The following INPP5D variants were observed in gnomAD, a reference collection of about 807,000 sequenced individuals.
INPP5D encodes the protein phosphatidylinositol 3,4,5-trisphosphate 5-phosphatase 1.
A neutral mutation model predicts 122.9 loss-of-function variants in INPP5D; 33 were observed. The observed-to-expected ratio is 0.27, with a 90% confidence interval of 0.20 to 0.36. The LOEUF (loss-of-function observed/expected upper bound fraction) is 0.36, where lower values mean the gene tolerates loss of function less well. Among genes scored for constraint, INPP5D ranks in the 10% least tolerant of loss-of-function variants. The pLI is 1.00. For synonymous variants in INPP5D, 584 were observed against 576.2 expected (o/e 1.01, Z -0.19); for missense variants, 1,053 against 1,412.7 (o/e 0.75, Z 4.08).
At chr2:233,090,962 G>GAA (rs112631725) in intron 2 of INPP5D, among the ~76,000 whole-genome samples, 2 of 86,700 alleles carry the variant, frequency 2.3e-5, no homozygotes, top group Non-Finnish European at 5.2e-5. Context: ...CCGTCTCAAA[G>GAA]AAAAAAAAAA....
rs111604302 is a variant in INPP5D, at chr2:233,113,702, C to T, written c.199-8405C>T. ...CTCTCGCTGGCTCTCGCTTGTCGAC[C>T]GTGCCCTGTTCGATGGGCTAATCTG... is the stretch of plus-strand genomic sequence containing the variant. On this transcript the variant is annotated intron_variant, in intron 2 of 26. Coordinates refer to ENST00000445964, the MANE Select transcript of INPP5D (RefSeq NM_001017915.3). 4.3e-3 allele frequency among the ~76,000 whole-genome samples: 648 copies of T among 152,278 alleles called. 2 individuals carry two copies. The highest frequency in any genetic ancestry group is 7.5e-3 in the Non-Finnish European group (507 of 68,022).
rs2106209637 is a variant in INPP5D, at chr2:233,079,331, T to G, written c.135-4T>G. 3 of 1,586,908 alleles carry G rather than the reference T, an allele frequency of 1.9e-6. No individual in the cohort carries two copies. The highest frequency in any genetic ancestry group is 2.6e-6 in the Non-Finnish European group (3 of 1,155,304). ...GTTCTAATAAAGTCTTTGATCTATT[T>G]CAGGTATCGGAATTGCGTTTACACT... On this transcript the variant is annotated splice_region_variant and splice_polypyrimidine_tract_variant and intron_variant, in intron 1 of 26. Coordinates refer to ENST00000445964, the MANE Select transcript of INPP5D (RefSeq NM_001017915.3).
intron 2 of INPP5D, among the ~76,000 whole-genome samples, chr2:233,098,112 C>T (rs1304087904): frequency 2.6e-5 from 4 of 152,068 alleles, no homozygotes; most frequent in African/African-American, 4.8e-5. Context: ...AGGCTGATTT[C>T]GAACTCGTGA....
intron 1 of INPP5D, among the ~76,000 whole-genome samples, chr2:233,061,140 G>T (rs1559266454): frequency 6.6e-6 from 1 of 152,142 alleles, no homozygotes; most frequent in Non-Finnish European, 1.5e-5. Flanking sequence ...GCTTTCAGGG[G>T]CCTGAGAGCA....
intron 9 of INPP5D, among the ~76,000 whole-genome samples, chr2:233,150,438 T>A (rs1360080205): frequency 6.6e-6 from 1 of 152,202 alleles, no homozygotes; most frequent in African/African-American, 2.4e-5. Context: ...ACTCTTTCCT[T>A]TATAAATTAC....
intron 8 of INPP5D, among the ~76,000 whole-genome samples, chr2:233,146,881 T>G (rs1367560945): frequency 6.6e-6 from 1 of 152,080 alleles, no homozygotes; most frequent in Non-Finnish European, 1.5e-5. Context: ...CCCCAGAGAT[T>G]CTAGTATATT....
At chr2:233,126,692 G>A (rs1252389907) in intron 4 of INPP5D, among the ~76,000 whole-genome samples, 1 of 152,102 alleles carries the variant, frequency 6.6e-6, no homozygotes, top group Non-Finnish European at 1.5e-5. Flanking sequence ...GGCCCAGGCG[G>A]GCAGATCACC....
chr2:233,102,952 A>G (rs763460481), intron 2 of INPP5D, among the ~76,000 whole-genome samples: 3 of 152,076 alleles, frequency 2.0e-5, no homozygotes, highest in Non-Finnish European at 4.4e-5. Context: ...TGCACTTTGT[A>G]TAACACTCCC....
At chr2:233,168,448 T>C (rs1342447844) in intron 13 of INPP5D, among the ~76,000 whole-genome samples, 1 of 152,210 alleles carries the variant, frequency 6.6e-6, no homozygotes, top group Non-Finnish European at 1.5e-5. Context: ...GCGTTTTCCA[T>C]AGAAGGCCAG....
At chr2:233,174,529 A>T (rs1694569742) in intron 17 of INPP5D, among the ~76,000 whole-genome samples, 1 of 152,262 alleles carries the variant, frequency 6.6e-6, no homozygotes, top group Non-Finnish European at 1.5e-5. Flanking sequence ...ACAGTGGCTC[A>T]TGCCTGTATT....
chr2:233,195,794 C>T (rs900916870), intron 24 of INPP5D, among the ~76,000 whole-genome samples: 3 of 152,150 alleles, frequency 2.0e-5, no homozygotes, highest in Non-Finnish European at 2.9e-5. Context: ...TGGTAAAACC[C>T]CATCTCTACT....
At position 233,164,152 on chromosome 2, in the gene INPP5D, G is replaced by A. The variant is rs764129216; in HGVS notation, c.1438-155G>A. On this transcript the variant is annotated intron_variant, in intron 12 of 26. Transcript: ENST00000445964. The surrounding 1 kb of genome is among the most constrained non-coding windows in gnomAD (Gnocchi z 4.3). ...TCTCATCTTTAGGATGTTTTGTCTC[G>A]CCTATCAAGCATCGCTGGGAGTCCC... is the stretch of plus-strand genomic sequence containing the variant. 1.6e-5 allele frequency: 22 copies of A among 1,407,946 alleles called. No individual in the cohort carries two copies. The highest frequency in any genetic ancestry group is 2.5e-5 in the East Asian group (1 of 39,800). The allele number at this position is 1,407,946 out of a possible 1,614,324, so 87.2% of individuals were successfully genotyped here.
chr2:233,173,898 A>ACTC (rs1694554885), intron 17 of INPP5D, among the ~76,000 whole-genome samples: 1 of 151,980 alleles, frequency 6.6e-6, no homozygotes, highest in South Asian at 2.1e-4. Context: ...GCGCCACTGC[A>ACTC]CTCCTGCCTG....
At chr2:233,172,380 T>C (rs1694511184) in intron 17 of INPP5D, among the ~76,000 whole-genome samples, 1 of 151,920 alleles carries the variant, frequency 6.6e-6, no homozygotes, top group African/African-American at 2.4e-5. Context: ...TGCAGAATTG[T>C]GGTGGGCATT....
chr2:233,130,902 C>T (rs1260792604), intron 5 of INPP5D: 3 of 633,294 alleles, frequency 4.7e-6, no homozygotes, highest in African/African-American at 3.6e-5. Flanking sequence ...CTCTGGGAAG[C>T]GGATGGGGTG....
chr2:233,119,666 A>G (rs1165247919), intron 2 of INPP5D, among the ~76,000 whole-genome samples: 2 of 152,184 alleles, frequency 1.3e-5, no homozygotes, highest in Admixed American at 6.5e-5. Flanking sequence ...TGCACACAAA[A>G]AAACACACTT....
chr2:233,068,276 ACT>A (rs1469793713), intron 1 of INPP5D, among the ~76,000 whole-genome samples: 1 of 115,820 alleles, frequency 8.6e-6, no homozygotes, highest in Non-Finnish European at 1.8e-5. Flanking sequence ...CAAGAGTGAA[ACT>A]CTGTCTCAAA....
intron 6 of INPP5D, among the ~76,000 whole-genome samples, chr2:233,144,872 G>A (rs1032252528): frequency 6.6e-6 from 1 of 152,030 alleles, no homozygotes; most frequent in Admixed American, 6.5e-5. Flanking sequence ...ATTGTGCAGA[G>A]GCAGCAGTGG....
chr2:233,183,925 G>A lies in INPP5D; in HGVS notation c.2162-483G>A, dbSNP rs568419661. 1.3e-5 allele frequency among the ~76,000 whole-genome samples: 2 copies of A among 152,310 alleles called. No homozygotes were observed. The highest frequency in any genetic ancestry group is 6.5e-5 in the Admixed American group (1 of 15,286). ...CATCGTCTAAATTAATACAGTTGCAGGCAAGTTAACTCTGTACAAATGAGC... is the reference window on the plus strand; with the variant it reads ...CATCGTCTAAATTAATACAGTTGCAAGCAAGTTAACTCTGTACAAATGAGC... On this transcript the variant is annotated intron_variant, in intron 19 of 26. Transcript: ENST00000445964. This position sits in a 1 kb window ranked among gnomAD's most constrained non-coding sequence, Gnocchi z 4.6.
Sources: allele counts gnomAD v4.1 joint callset (sites outside exome capture counted in the v4.1 genomes callset), GRCh38; gene constraint gnomAD v4.1.1; non-coding constraint Gnocchi (gnomAD v3.1); transcripts MANE v1.5; gene names NCBI Gene and HGNC (gene_info 2026-07-23, HGNC 2026-07-21).